The following RHBDL3 variants were observed in gnomAD, a reference collection of about 807,000 sequenced individuals.
RHBDL3 encodes the protein rhomboid like 3, also known as rhomboid-related protein 3.
Under a neutral mutation model 48.2 loss-of-function variants are expected in RHBDL3, and 28 were observed. The ratio of observed to expected loss-of-function variants is 0.58; its 90% CI spans 0.43 to 0.80. The LOEUF (loss-of-function observed/expected upper bound fraction) is 0.80. Among genes scored for constraint, RHBDL3 ranks in the 30% least tolerant of loss-of-function variants. RHBDL3 has a pLI of 0.00. For missense variants in RHBDL3, 464 were observed against 542.7 expected (o/e 0.85, Z 1.44); for synonymous variants, 208 against 232.3 (o/e 0.90, Z 0.95).
rs1025216989 is a variant in RHBDL3, at chr17:32,289,889, C to T, written c.519+873C>T. ...AGTTCCTGCCTAATCAAAAGCTTCG[C>T]GGCATCCTTCTTTTCTTCTAAGTCA... On this transcript the variant is annotated intron_variant, in intron 4 of 8. Transcript: ENST00000269051. Among the ~76,000 whole-genome samples, 4 of 152,332 alleles carry T rather than the reference C, an allele frequency of 2.6e-5. No homozygotes were observed. In the South Asian group the frequency reaches 6.2e-4, roughly 24 times the overall value.
rs1458357900 is a variant in RHBDL3, at chr17:32,267,960, C to T, written c.135+35C>T. 5.2e-6 allele frequency: 8 copies of T among 1,534,726 alleles called. 1 individual carries two copies. The highest frequency in any genetic ancestry group is 3.4e-4 in the Middle Eastern group (2 of 5,926). The stretch of plus-strand genomic sequence containing the variant: ...CAGTTAACCCCCCATTTCCTTCCAG[C>T]CCTCCCTGAAATCGGTCTCAGTCTC... On this transcript the variant is annotated intron_variant, in intron 2 of 8. Coordinates refer to ENST00000269051, the MANE Select transcript of RHBDL3 (RefSeq NM_138328.3).
intron 7 of RHBDL3, among the ~76,000 whole-genome samples, chr17:32,310,159 T>C (rs2040809859): frequency 6.6e-6 from 1 of 152,230 alleles, no homozygotes; most frequent in South Asian, 2.1e-4. Context: ...GATATTTACT[T>C]ACACTTCGCT....
chr17:32,274,930 G>T lies in RHBDL3; in HGVS notation c.135+7005G>T, dbSNP rs574520752. Among the ~76,000 whole-genome samples the T allele has an allele frequency of 2.6e-5, 4 of 152,254 alleles. No homozygotes were observed. The South Asian group carries it at 8.3e-4, about 32-fold the overall frequency. On this transcript the variant is annotated intron_variant, in intron 2 of 8. Coordinates refer to ENST00000269051, the MANE Select transcript of RHBDL3 (RefSeq NM_138328.3). ...TGTGTCCCCACAAGGCTTCTGGGTA[G>T]CTCCTGAAATGGGCCAGGAGATGCA...
At chr17:32,316,167 A>G (rs747945069) in intron 7 of RHBDL3, 65 bp from the exon 8 acceptor site, 81 of 1,190,488 alleles carry the variant, frequency 6.8e-5, no homozygotes, top group Non-Finnish European at 9.5e-5. Context: ...AGGTTTTCTT[A>G]AGCAAGACAC....
chr17:32,296,039 A>G (rs1280000966), intron 5 of RHBDL3, among the ~76,000 whole-genome samples: 1 of 152,066 alleles, frequency 6.6e-6, no homozygotes, highest in Non-Finnish European at 1.5e-5. Context: ...ATCCTGGCTA[A>G]CATGGTGAAA....
rs147341310 is a variant in RHBDL3, at chr17:32,285,567, G to A, written c.294+750G>A. 6.2e-4 allele frequency among the ~76,000 whole-genome samples: 94 copies of A among 152,292 alleles called. No homozygotes were observed. In the East Asian group the frequency reaches 0.016, roughly 25 times the overall value. On this transcript the variant is annotated intron_variant, in intron 3 of 8. Transcript: ENST00000269051. Reference sequence around the variant, plus strand: ...TCCCCTCACTGAGGGTTAGTGCTGCGCTATTTCAGGGGCTGCTGTGGACTG... The same window carrying A: ...TCCCCTCACTGAGGGTTAGTGCTGCACTATTTCAGGGGCTGCTGTGGACTG...
intron 4 of RHBDL3, 73 bp from the exon 5 acceptor site, chr17:32,294,221 A>G: frequency 7.8e-7 from 1 of 1,281,308 alleles, no homozygotes; most frequent in South Asian, 1.4e-5. Context: ...AGGGACTCCC[A>G]GTGCTAGTCA....
chr17:32,283,869 G>A (rs2040129527), intron 2 of RHBDL3, among the ~76,000 whole-genome samples: 1 of 152,166 alleles, frequency 6.6e-6, no homozygotes, highest in Non-Finnish European at 1.5e-5. Flanking sequence ...ACAGAACAGA[G>A]GGTTCCGTGA....
chr17:32,310,883 C>CAAAAA (rs11348841), intron 7 of RHBDL3, among the ~76,000 whole-genome samples: 671 of 55,572 alleles, frequency 0.012, 54 homozygotes, highest in African/African-American at 0.034. Context: ...GGCTCCATCT[C>CAAAAA]AAAAAAAAAA....
chr17:32,291,005 A>AG (rs2040312661), intron 4 of RHBDL3, among the ~76,000 whole-genome samples: 4 of 148,476 alleles, frequency 2.7e-5, no homozygotes, highest in Non-Finnish European at 6.0e-5. Context: ...TGTCTCAAGA[A>AG]AAAAAAAAAA....
chr17:32,297,859 G>A (rs2040489542), intron 5 of RHBDL3, among the ~76,000 whole-genome samples: 1 of 152,042 alleles, frequency 6.6e-6, no homozygotes, highest in East Asian at 1.9e-4. Context: ...AATGCTGCCA[G>A]TCACGCCCAG....
At chr17:32,271,124 A>C (rs5002530) in intron 2 of RHBDL3, among the ~76,000 whole-genome samples, 95,573 of 152,108 alleles carry the variant, frequency 0.63, 32,426 homozygotes, top group African/African-American at 0.91. Flanking sequence ...CCTTCTGTTG[A>C]TTCAGACCTG....
At chr17:32,274,576 G>A (rs767532899) in intron 2 of RHBDL3, among the ~76,000 whole-genome samples, 1 of 152,194 alleles carries the variant, frequency 6.6e-6, no homozygotes, top group Non-Finnish European at 1.5e-5. Context: ...CCTCAAAAGA[G>A]GAAACTGGCT....
intron 7 of RHBDL3, among the ~76,000 whole-genome samples, chr17:32,314,640 T>C (rs1333325790): frequency 6.6e-6 from 1 of 152,138 alleles, no homozygotes; most frequent in African/African-American, 2.4e-5. Flanking sequence ...TGGAGGGCCA[T>C]CTTGTTGGCT....
At chr17:32,285,518 G>A (rs182775789) in intron 3 of RHBDL3, among the ~76,000 whole-genome samples, 5 of 152,268 alleles carry the variant, frequency 3.3e-5, no homozygotes, top group Admixed American at 3.3e-4. Context: ...CTGCCCAGCG[G>A]TCTGTTATCT....
Position 32,265,843 on chromosome 17 carries a change from G to A in RHBDL3, c.-347G>A, listed in dbSNP as rs1459341614. 3.4e-5 allele frequency among the ~76,000 whole-genome samples: 5 copies of A among 147,574 alleles called. No individual in the cohort carries two copies. In the East Asian group the frequency reaches 9.8e-4, roughly 29 times the overall value. On this transcript the variant is annotated 5_prime_UTR_variant, in exon 1 of 9. Transcript: ENST00000269051. ...GAGGAGACTCGGGCGCAGAGCGGGG[G>A]CCGCGAGAAGCGGGAAGGGAGCGCG... is the stretch of plus-strand genomic sequence containing the variant.
intron 7 of RHBDL3, among the ~76,000 whole-genome samples, chr17:32,306,773 T>C (rs1017139327): frequency 6.6e-6 from 1 of 151,880 alleles, no homozygotes; most frequent in Non-Finnish European, 1.5e-5. Context: ...ATACAAAAAT[T>C]AGCTGGGCAC....
At chr17:32,303,510 AAAAAGC>A (rs997365646) in intron 6 of RHBDL3, among the ~76,000 whole-genome samples, 12 of 152,234 alleles carry the variant, frequency 7.9e-5, no homozygotes, top group African/African-American at 2.7e-4. Context: ...TAAGCAGTAA[AAAAAGC>A]AAAAGCAAAA....
Position 32,321,806 on chromosome 17 carries a change from G to A in RHBDL3, c.*577G>A, listed in dbSNP as rs1192426568. 5.1e-6 allele frequency: 1 copy of A among 196,484 alleles called. No individual in the cohort carries two copies. Among genetic ancestry groups the A allele is most frequent in the Non-Finnish European group, 1.1e-5 (1 of 93,982 alleles). The allele number at this position is 196,484 out of a possible 1,614,324, so 12.2% of individuals were successfully genotyped here. On this transcript the variant is annotated 3_prime_UTR_variant, in exon 9 of 9. Coordinates refer to ENST00000269051, the MANE Select transcript of RHBDL3 (RefSeq NM_138328.3). ...TCCTGGGCTGGTTGGTGTGCACCGGGGCATGATCTGTTGTGCCTGGGTTGG... is the reference window on the plus strand; with the variant it reads ...TCCTGGGCTGGTTGGTGTGCACCGGAGCATGATCTGTTGTGCCTGGGTTGG...
Sources: gnomAD v4.1 joint callset for allele counts (sites outside exome capture counted in the v4.1 genomes callset) on GRCh38, gnomAD v4.1.1 for gene constraint, MANE v1.5 for transcripts, NCBI Gene and HGNC (gene_info 2026-07-23, HGNC 2026-07-21) for gene names.